The following RBPMS variants were observed in gnomAD, a reference collection of about 807,000 sequenced individuals.
RBPMS encodes RNA-binding protein with multiple splicing.
A neutral mutation model predicts 26.8 loss-of-function variants in RBPMS; 7 were observed. The observed-to-expected ratio is 0.26, with a 90% CI of 0.15 to 0.49. The LOEUF is 0.49. RBPMS is among the 20% of genes least tolerant of loss of function. The probability of loss-of-function intolerance (pLI) is 0.98; values close to 1 mark genes in which losing one functional copy is unlikely to be tolerated. For missense variants in RBPMS, 186 were observed against 250.0 expected (o/e 0.74, Z 1.73); for synonymous variants, 96 against 93.3 (o/e 1.03, Z -0.17).
At chr8:30,559,679 G>A (rs1180453820) in intron 7 of RBPMS, among the ~76,000 whole-genome samples, 1 of 152,220 alleles carries the variant, frequency 6.6e-6, no homozygotes. Context: ...TCTACTTAGA[G>A]TTAAGTTTTT....
chr8:30,544,551 C>G lies in RBPMS; in HGVS notation c.455C>G (p.Pro152Arg), dbSNP rs1478108505. 1 of 1,614,120 alleles carries G rather than the reference C, an allele frequency of 6.2e-7. No homozygotes were observed. Among genetic ancestry groups the G allele is most frequent in the African/African-American group, 1.3e-5 (1 of 74,940 alleles). Reference protein sequence around the residue: ...PSSPEVWAPYPLYPAELAPAL... With the variant: ...PSSPEVWAPYRLYPAELAPAL... The stretch of plus-strand genomic sequence containing the variant: ...AGCCCTGAAGTGTGGGCCCCGTACC[C>G]TCTGTACCCAGCGGAGTTAGCGCCT... The change falls in exon 6 of 9, where the codon CCT becomes CGT. Residue 152 changes from proline to arginine, a missense_variant. Transcript: ENST00000397323.
chr8:30,549,130 G>T (rs957628221), intron 6 of RBPMS, among the ~76,000 whole-genome samples: 13 of 152,272 alleles, frequency 8.5e-5, no homozygotes, highest in Admixed American at 2.0e-4. Context: ...AGGGTGGTTG[G>T]TCCCACAGGG....
intron 1 of RBPMS, among the ~76,000 whole-genome samples, chr8:30,469,789 T>C (rs979558258): frequency 6.6e-6 from 1 of 152,246 alleles, no homozygotes; most frequent in Non-Finnish European, 1.5e-5. Context: ...TCATTTGTTA[T>C]TTTTGGGGAA....
Position 30,420,743 on chromosome 8 carries a change from C to T in RBPMS, c.66+35585C>T, listed in dbSNP as rs558348879. Among the ~76,000 whole-genome samples the T allele has an allele frequency of 7.2e-5, 11 of 152,236 alleles. No homozygotes were observed. The East Asian group carries it at 9.7e-4, about 13-fold the overall frequency. ...GGGAATCAACCTATTAGACATTTGC[C>T]GAACTTGAATAAAATGAGAAAAGGA... On this transcript the variant is annotated intron_variant, in intron 1 of 8. Coordinates refer to ENST00000397323, the MANE Select transcript of RBPMS (RefSeq NM_001008710.3).
intron 1 of RBPMS, among the ~76,000 whole-genome samples, chr8:30,455,721 C>T (rs1815120856): frequency 6.6e-6 from 1 of 152,066 alleles, no homozygotes; most frequent in Non-Finnish European, 1.5e-5. Flanking sequence ...AACCCCAACT[C>T]TACTAAAAAT....
At chr8:30,458,857 A>T (rs1381194719) in intron 1 of RBPMS, among the ~76,000 whole-genome samples, 1 of 152,058 alleles carries the variant, frequency 6.6e-6, no homozygotes, top group Non-Finnish European at 1.5e-5. Flanking sequence ...GACCAAAGGC[A>T]TGGGCCACCA....
At chr8:30,479,406 G>A (rs936288613) in intron 4 of RBPMS, 29 bp downstream of exon 4, 7 of 1,504,054 alleles carry the variant, frequency 4.7e-6, no homozygotes, top group Non-Finnish European at 6.4e-6. Context: ...ATTGTAGGGG[G>A]TTTCCATATG....
At chr8:30,560,987 T>A (rs773342960) in intron 7 of RBPMS, among the ~76,000 whole-genome samples, 6 of 152,204 alleles carry the variant, frequency 3.9e-5, no homozygotes, top group Non-Finnish European at 7.3e-5. Context: ...TACTTGTTTG[T>A]CCCTTATTCT....
chr8:30,519,277 G>A (rs369097711), intron 5 of RBPMS, among the ~76,000 whole-genome samples: 1 of 151,936 alleles, frequency 6.6e-6, no homozygotes, highest in Non-Finnish European at 1.5e-5. Context: ...TCCCAAAAAC[G>A]AATCATTCAT....
At chr8:30,515,523 G>A (rs7017861) in intron 5 of RBPMS, among the ~76,000 whole-genome samples, 72,180 of 151,874 alleles carry the variant, frequency 0.48, 17,295 homozygotes, top group Middle Eastern at 0.58. Flanking sequence ...ATTTGAAGCA[G>A]GTATAAGAAA....
chr8:30,498,974 A>G (rs1169881886), intron 4 of RBPMS, among the ~76,000 whole-genome samples: 1 of 152,224 alleles, frequency 6.6e-6, no homozygotes, highest in Non-Finnish European at 1.5e-5. Flanking sequence ...TGTGTACACA[A>G]CTGGGACACT....
chr8:30,486,292 A>G (rs1162817403), intron 4 of RBPMS, among the ~76,000 whole-genome samples: 1 of 152,002 alleles, frequency 6.6e-6, no homozygotes, highest in Non-Finnish European at 1.5e-5. Context: ...GTGAGCCAAG[A>G]TCGCACCACT....
intron 5 of RBPMS, among the ~76,000 whole-genome samples, chr8:30,542,226 A>G (rs1825459084): frequency 6.6e-6 from 1 of 152,202 alleles, no homozygotes; most frequent in Admixed American, 6.5e-5. Context: ...TTTTGTGCAA[A>G]TATCAATGGT....
intron 6 of RBPMS, among the ~76,000 whole-genome samples, chr8:30,551,478 G>C (rs575779010): frequency 6.6e-5 from 10 of 152,238 alleles, no homozygotes; most frequent in African/African-American, 2.4e-4. Context: ...CTCCTGACTG[G>C]GGGCACCATT....
intron 4 of RBPMS, among the ~76,000 whole-genome samples, chr8:30,486,558 G>A (rs996455997): frequency 6.6e-5 from 10 of 151,980 alleles, no homozygotes; most frequent in African/African-American, 9.6e-5. Context: ...GCTTGAACCC[G>A]GGAGATGGAG....
At chr8:30,516,778 C>G (rs1486748238) in intron 5 of RBPMS, among the ~76,000 whole-genome samples, 1 of 152,064 alleles carries the variant, frequency 6.6e-6, no homozygotes, top group Non-Finnish European at 1.5e-5. Flanking sequence ...CCTGTAGTCC[C>G]AGCTACTCAG....
At chr8:30,542,165 A>AT (rs1184492479) in intron 5 of RBPMS, among the ~76,000 whole-genome samples, 2 of 152,152 alleles carry the variant, frequency 1.3e-5, no homozygotes, top group African/African-American at 4.8e-5. Context: ...CTACTCAGCA[A>AT]TTTTGAGTTT....
intron 1 of RBPMS, among the ~76,000 whole-genome samples, chr8:30,413,985 G>A (rs1429149549): frequency 2.0e-5 from 3 of 152,028 alleles, no homozygotes; most frequent in Admixed American, 6.6e-5. Context: ...CAGGTGATCC[G>A]CCCACCTCAG....
chr8:30,426,582 A>T (rs1189398987), intron 1 of RBPMS, among the ~76,000 whole-genome samples: 4 of 152,182 alleles, frequency 2.6e-5, no homozygotes, highest in Non-Finnish European at 5.9e-5. Context: ...TCTTAAAGGC[A>T]TTGAACAGGC....
Sources: gnomAD v4.1 joint callset for allele counts (sites outside exome capture counted in the v4.1 genomes callset) on GRCh38, gnomAD v4.1.1 for gene constraint, MANE v1.5 for transcripts, NCBI Gene and HGNC (gene_info 2026-07-23, HGNC 2026-07-21) for gene names.